Variants in CYP7B1 observed in about 807,000 individuals in gnomAD.
CYP7B1 encodes cytochrome P450 7B1.
Under a neutral mutation model 42.7 loss-of-function variants are expected in CYP7B1, and 29 were observed. That is an observed-to-expected ratio of 0.68 (90% CI 0.51 to 0.93). The LOEUF (loss-of-function observed/expected upper bound fraction) is 0.93. Among genes scored for constraint, CYP7B1 ranks in the 40% least tolerant of loss-of-function variants. The pLI is 0.00. For missense variants in CYP7B1, 655 were observed against 600.5 expected (o/e 1.09, Z -0.95); for synonymous variants, 235 against 218.2 (o/e 1.08, Z -0.68).
intron 1 of CYP7B1, among the ~76,000 whole-genome samples, chr8:64,672,928 T>C (rs1470099263): frequency 1.3e-5 from 2 of 152,122 alleles, no homozygotes; most frequent in East Asian, 3.8e-4. Flanking sequence ...AAGAAAGAAC[T>C]GATGTTTAAT....
chr8:64,589,026 T>A (rs943888095), downstream of CYP7B1, among the ~76,000 whole-genome samples: 2 of 151,736 alleles, frequency 1.3e-5, no homozygotes, highest in African/African-American at 4.8e-5. Flanking sequence ...CTTAAGAGAG[T>A]GAACTTAAGT....
intron 1 of CYP7B1, among the ~76,000 whole-genome samples, chr8:64,633,852 T>A (rs1197247252): frequency 6.6e-6 from 1 of 152,168 alleles, no homozygotes; most frequent in Non-Finnish European, 1.5e-5. Context: ...TGTTAAGACT[T>A]AATATAAAAC....
At chr8:64,643,586 T>C (rs915375868) in intron 1 of CYP7B1, among the ~76,000 whole-genome samples, 6 of 152,242 alleles carry the variant, frequency 3.9e-5, no homozygotes, top group Admixed American at 2.0e-4. Context: ...ACAATGAAGT[T>C]TGTCGCATCA....
intron 1 of CYP7B1, among the ~76,000 whole-genome samples, chr8:64,676,078 T>C (rs1347380522): frequency 3.3e-5 from 5 of 152,076 alleles, no homozygotes; most frequent in Non-Finnish European, 4.4e-5. Flanking sequence ...AACAAATGAA[T>C]AGATTTCAAA....
At chr8:64,660,215 T>C (rs188270416) in intron 1 of CYP7B1, among the ~76,000 whole-genome samples, 47 of 152,308 alleles carry the variant, frequency 3.1e-4, no homozygotes, top group Non-Finnish European at 4.9e-4. Flanking sequence ...AACTAAAACA[T>C]GGTGCAGGCA....
chr8:64,776,322 T>C (rs1248126760), intron 1 of CYP7B1, among the ~76,000 whole-genome samples: 1 of 152,160 alleles, frequency 6.6e-6, no homozygotes, highest in Non-Finnish European at 1.5e-5. Context: ...TAATTATCTG[T>C]TCTAAAGAAG....
rs369745460 is a variant in CYP7B1, at chr8:64,593,702, T to A, written c.*2940A>T. On this transcript the variant is annotated 3_prime_UTR_variant, in exon 6 of 6. Transcript: ENST00000310193. ...GAACATGGGCTCAGTAAACAAGCCATTCCTGGTAACAGTGACAGCAAAACA... is the reference window on the plus strand; with the variant it reads ...GAACATGGGCTCAGTAAACAAGCCAATCCTGGTAACAGTGACAGCAAAACA... 2.0e-5 allele frequency among the ~76,000 whole-genome samples: 3 copies of A among 152,180 alleles called. No homozygotes were observed. The highest frequency in any genetic ancestry group is 2.1e-4 in the South Asian group (1 of 4,822).
intron 5 of CYP7B1, among the ~76,000 whole-genome samples, chr8:64,598,103 G>T (rs1213203080): frequency 1.3e-5 from 2 of 152,120 alleles, no homozygotes; most frequent in Non-Finnish European, 2.9e-5. Context: ...ATAAGTATTT[G>T]AGCTTAGAAA....
intron 1 of CYP7B1, among the ~76,000 whole-genome samples, chr8:64,740,598 C>G (rs1056496809): frequency 1.3e-5 from 2 of 150,868 alleles, no homozygotes; most frequent in African/African-American, 4.9e-5. Flanking sequence ...AAATCTCTAG[C>G]CAGGCTAACA....
intron 1 of CYP7B1, among the ~76,000 whole-genome samples, chr8:64,708,407 A>C (rs1389969639): frequency 2.0e-5 from 3 of 152,192 alleles, no homozygotes; most frequent in African/African-American, 7.2e-5. Flanking sequence ...ACACTTTGCA[A>C]AACTTAATAA....
At chr8:64,729,186 G>GGTAAGAAA (rs1563407366) in intron 1 of CYP7B1, among the ~76,000 whole-genome samples, 1 of 152,102 alleles carries the variant, frequency 6.6e-6, no homozygotes, top group East Asian at 1.9e-4. Context: ...AATCAGAGAA[G>GGTAAGAAA]CTCTAAGATA....
chr8:64,686,050 TGG>T (rs1283391137), intron 1 of CYP7B1, among the ~76,000 whole-genome samples: 1 of 71,210 alleles, frequency 1.4e-5, no homozygotes, highest in Admixed American at 1.5e-4. Context: ...GGGAGGGAGA[TGG>T]GGGGGGTCAG....
intron 1 of CYP7B1, among the ~76,000 whole-genome samples, chr8:64,687,158 A>C (rs1210381118): frequency 6.6e-6 from 1 of 152,218 alleles, no homozygotes; most frequent in Non-Finnish European, 1.5e-5. Flanking sequence ...AACATTAGGC[A>C]TAGTAGCCAA....
chr8:64,761,177 G>A (rs1807884338), intron 1 of CYP7B1, among the ~76,000 whole-genome samples: 2 of 152,104 alleles, frequency 1.3e-5, no homozygotes, highest in Non-Finnish European at 2.9e-5. Flanking sequence ...TAGTTGCTAA[G>A]GATTAGAAGG....
intron 1 of CYP7B1, among the ~76,000 whole-genome samples, chr8:64,692,568 A>G (rs1427983208): frequency 2.0e-5 from 3 of 152,220 alleles, no homozygotes; most frequent in Non-Finnish European, 2.9e-5. Flanking sequence ...GATCACAGGT[A>G]TAATTACGTA....
intron 1 of CYP7B1, among the ~76,000 whole-genome samples, chr8:64,773,427 A>G (rs1186801863): frequency 6.6e-6 from 1 of 152,216 alleles, no homozygotes; most frequent in Non-Finnish European, 1.5e-5. Context: ...GTTTGAAAAA[A>G]TCCAAAGTAA....
intron 1 of CYP7B1, among the ~76,000 whole-genome samples, chr8:64,758,309 C>T (rs1211004965): frequency 6.6e-6 from 1 of 152,138 alleles, no homozygotes; most frequent in Non-Finnish European, 1.5e-5. Flanking sequence ...GCCTCAGAAC[C>T]CTTCTCTCCA....
intron 1 of CYP7B1, among the ~76,000 whole-genome samples, chr8:64,650,445 C>T (rs1441867047): frequency 6.6e-6 from 1 of 152,026 alleles, no homozygotes; most frequent in African/African-American, 2.4e-5. Context: ...GTCAGGAGTT[C>T]GAGACCAGCG....
chr8:64,700,250 T>C (rs1011230629), intron 1 of CYP7B1, among the ~76,000 whole-genome samples: 3 of 152,070 alleles, frequency 2.0e-5, no homozygotes, highest in Admixed American at 6.6e-5. Context: ...ATTTATACCA[T>C]CCATTTGGCA....
Sources: allele counts gnomAD v4.1 joint callset (sites outside exome capture counted in the v4.1 genomes callset), GRCh38; gene constraint gnomAD v4.1.1; transcripts MANE v1.5; gene names NCBI Gene and HGNC (gene_info 2026-07-23, HGNC 2026-07-21).